The following FCHSD2 variants were observed in gnomAD, a reference collection of about 807,000 sequenced individuals.
The protein encoded by FCHSD2 is FCH and double SH3 domains 2.
In FCHSD2, 38 loss-of-function variants were observed where a neutral mutation model predicts 108.1. The ratio of observed to expected loss-of-function variants is 0.35; its 90% CI spans 0.27 to 0.46. The LOEUF (loss-of-function observed/expected upper bound fraction) is 0.46. FCHSD2 is among the 20% of genes least tolerant of loss of function. The probability of loss-of-function intolerance (pLI) is 1.00; values close to 1 mark genes in which losing one functional copy is unlikely to be tolerated. For missense variants in FCHSD2, 751 were observed against 897.8 expected (o/e 0.84, Z 2.09); for synonymous variants, 279 against 314.7 (o/e 0.89, Z 1.20).
chr11:73,103,166 A>G (rs1049908792), intron 2 of FCHSD2, among the ~76,000 whole-genome samples: 1 of 152,204 alleles, frequency 6.6e-6, no homozygotes, highest in African/African-American at 2.4e-5. Context: ...TGAGTGTAGT[A>G]GTGTTTAGTC....
chr11:73,095,037 C>T (rs1286613826), intron 2 of FCHSD2, among the ~76,000 whole-genome samples: 1 of 152,140 alleles, frequency 6.6e-6, no homozygotes, highest in African/African-American at 2.4e-5. Context: ...ATGAATGAAA[C>T]ACAGACCCTG....
At chr11:73,119,255 A>G (rs1412412754) in intron 2 of FCHSD2, among the ~76,000 whole-genome samples, 2 of 151,792 alleles carry the variant, frequency 1.3e-5, no homozygotes, top group African/African-American at 4.8e-5. Flanking sequence ...GTGAGCCAAG[A>G]TCATGCCATT....
chr11:72,995,708 C>CAAA (rs760202806), intron 5 of FCHSD2, among the ~76,000 whole-genome samples: 1 of 63,084 alleles, frequency 1.6e-5, no homozygotes, highest in East Asian at 4.4e-4. Flanking sequence ...AATTCTGTCT[C>CAAA]AAAAAAAAAA....
chr11:72,975,374 C>T (rs1857085617), intron 8 of FCHSD2, among the ~76,000 whole-genome samples: 1 of 151,848 alleles, frequency 6.6e-6, no homozygotes, highest in Non-Finnish European at 1.5e-5. Context: ...GAAGGTGGGG[C>T]CAATGAGAGG....
chr11:72,858,947 G>T (rs117337119), intron 13 of FCHSD2, among the ~76,000 whole-genome samples: 2 of 152,130 alleles, frequency 1.3e-5, no homozygotes, highest in Non-Finnish European at 2.9e-5. Context: ...AGTGATCCCT[G>T]GGGGATGGGA....
At chr11:73,001,345 C>T (rs1857622101) in intron 4 of FCHSD2, among the ~76,000 whole-genome samples, 4 of 152,244 alleles carry the variant, frequency 2.6e-5, no homozygotes, top group Middle Eastern at 3.4e-3. Flanking sequence ...AGTTCTGATT[C>T]ATTAGTTATT....
At chr11:72,843,611 G>T in intron 14 of FCHSD2, 79 bp from the exon 15 acceptor site, 1 of 886,680 alleles carries the variant, frequency 1.1e-6, no homozygotes, top group South Asian at 1.4e-5. Context: ...ACAAAAACTG[G>T]GGATCAAAAT....
rs554520620 is a variant in FCHSD2 at position 72,860,666 on chromosome 11, G to A, written c.1308+7199C>T. Among the ~76,000 whole-genome samples, 11 of 152,182 alleles carry A rather than the reference G, an allele frequency of 7.2e-5. No homozygotes were observed. The East Asian group carries it at 2.1e-3, about 29-fold the overall frequency. Reference sequence around the variant, plus strand: ...TCTAGACCAGCGTGGGCAACATAGTGAGACCCCATCTCTACTAAATATACA... The same window carrying A: ...TCTAGACCAGCGTGGGCAACATAGTAAGACCCCATCTCTACTAAATATACA... On this transcript the variant is annotated intron_variant, in intron 13 of 19. Transcript: ENST00000409418.
chr11:72,945,625 G>A (rs1250152283), intron 8 of FCHSD2, among the ~76,000 whole-genome samples: 1 of 151,986 alleles, frequency 6.6e-6, no homozygotes, highest in East Asian at 1.9e-4. Context: ...CTACAGAATG[G>A]GAGAATATTT....
chr11:73,090,318 C>A (rs991518938), intron 2 of FCHSD2, among the ~76,000 whole-genome samples: 1 of 148,856 alleles, frequency 6.7e-6, no homozygotes, highest in Non-Finnish European at 1.5e-5. Flanking sequence ...CTCCACCTTC[C>A]GGGTTCACGC....
intron 2 of FCHSD2, among the ~76,000 whole-genome samples, chr11:73,121,752 G>T (rs768012372): frequency 6.6e-6 from 1 of 151,816 alleles, no homozygotes; most frequent in Non-Finnish European, 1.5e-5. Context: ...TTATAACAGT[G>T]GTCCACAAAC....
intron 8 of FCHSD2, among the ~76,000 whole-genome samples, chr11:72,963,298 T>C (rs1025030941): frequency 5.3e-5 from 8 of 152,210 alleles, no homozygotes; most frequent in African/African-American, 1.9e-4. Flanking sequence ...GTGCTTACTA[T>C]ATACCTGGCA....
In FCHSD2 at chr11:72,887,449, C is replaced by G. The variant is rs28576960; in HGVS notation, c.1146+21G>C. On this transcript the variant is annotated intron_variant, in intron 12 of 19. Coordinates refer to ENST00000409418, the MANE Select transcript of FCHSD2 (RefSeq NM_014824.3). ...GTGTCATTAGACCTGGGCAAAATGC[C>G]ACAATTAGCTGCCACCTTACCTCTG... is the stretch of plus-strand genomic sequence containing the variant. 3,243 of 1,535,952 alleles carry G rather than the reference C, an allele frequency of 2.1e-3. 50 individuals are homozygous for G. In the African/African-American group the frequency reaches 0.04, roughly 19 times the overall value.
At chr11:73,018,656 AT>A (rs1472281877) in intron 3 of FCHSD2, among the ~76,000 whole-genome samples, 2 of 151,702 alleles carry the variant, frequency 1.3e-5, no homozygotes, top group Non-Finnish European at 2.9e-5. Context: ...GCCCATCTCC[AT>A]TTATGTTTTT....
chr11:73,067,855 G>A (rs546745223), intron 3 of FCHSD2, among the ~76,000 whole-genome samples: 3 of 152,260 alleles, frequency 2.0e-5, no homozygotes, highest in African/African-American at 7.2e-5. Context: ...TTTTCACACT[G>A]CTGATAAAGA....
chr11:73,042,991 A>G (rs940560273), intron 3 of FCHSD2, among the ~76,000 whole-genome samples: 2 of 152,148 alleles, frequency 1.3e-5, no homozygotes, highest in African/African-American at 2.4e-5. Flanking sequence ...AGGTCATGTC[A>G]TCTGCAAAGA....
At chr11:72,889,703 C>A (rs568498330) in intron 11 of FCHSD2, 126 bp downstream of exon 11, 163 of 621,170 alleles carry the variant, frequency 2.6e-4, no homozygotes, top group African/African-American at 2.5e-3. Flanking sequence ...ACAGAGCAAG[C>A]CTCTTGTCTC....
chr11:73,085,404 G>A (rs942249659), intron 2 of FCHSD2, among the ~76,000 whole-genome samples: 1 of 152,096 alleles, frequency 6.6e-6, no homozygotes, highest in Non-Finnish European at 1.5e-5. Flanking sequence ...TGAAAGAGAG[G>A]GGATGACCAC....
chr11:73,018,546 C>G (rs1017620732), intron 3 of FCHSD2, among the ~76,000 whole-genome samples: 4 of 150,480 alleles, frequency 2.7e-5, no homozygotes, highest in Non-Finnish European at 4.4e-5. Flanking sequence ...TCATTATATC[C>G]CCGGCTATAG....
Sources: allele counts gnomAD v4.1 joint callset (sites outside exome capture counted in the v4.1 genomes callset), GRCh38; gene constraint gnomAD v4.1.1; transcripts MANE v1.5; gene names NCBI Gene and HGNC (gene_info 2026-07-23, HGNC 2026-07-21).